RBM23: variants seen among roughly 807,000 people sequenced by gnomAD.
RBM23 encodes the protein probable RNA-binding protein 23.
Under a neutral mutation model 56.2 loss-of-function variants are expected in RBM23, and 53 were observed. That is an observed-to-expected ratio of 0.94 (90% CI 0.76 to 1.19). The LOEUF is 1.19. Among genes scored for constraint, RBM23 ranks in the 50% most tolerant of loss-of-function variants. The pLI is 0.00. For synonymous variants in RBM23, 197 were observed against 198.5 expected, an observed-to-expected ratio of 0.99 and a Z score of 0.06; for missense variants, 642 against 590.3, an observed-to-expected ratio of 1.09 and a Z score of -0.91.
chr14:22,916,422 A>C (rs1006035494), intron 1 of RBM23, among the ~76,000 whole-genome samples: 1 of 143,410 alleles, frequency 7.0e-6, no homozygotes, highest in Non-Finnish European at 1.5e-5. Context: ...ATGCCAGGCT[A>C]ACTTTTCATA....
Position 22,909,487 on chromosome 14 carries a change from T to G in RBM23, c.175A>C (p.Ser59Arg), listed in dbSNP as rs1161472249. The change falls in exon 3 of 14, where the codon AGC (serine) becomes CGC (arginine). Residue 59 changes from serine (S) to arginine (R), a missense_variant. Ser to Arg is a moderately radical substitution (Grantham distance 110, BLOSUM62 -1). Coordinates refer to ENST00000359890, the MANE Select transcript of RBM23 (RefSeq NM_001077351.2). ...ATTTCTTCCTCCCACACTCACTTGC[T>G]TGTCTCCCCGATGGTGCTGCTTCCA... ...TSGSSTIGETSKKKRSRSHNK... is the reference protein window; with the variant it reads ...TSGSSTIGETRKKKRSRSHNK... 1.2e-6 allele frequency: 2 copies of G among 1,612,704 alleles called. No individual in the cohort carries two copies. The highest frequency in any genetic ancestry group is 1.7e-6 in the Non-Finnish European group (2 of 1,179,638).
At position 22,906,354 on chromosome 14, in the gene RBM23, C is replaced by T. The variant is rs375896284; in HGVS notation, c.242G>A (p.Arg81Gln). The T allele has an allele frequency of 3.8e-5, 61 of 1,614,036 alleles. No individual in the cohort carries two copies. The highest frequency in any genetic ancestry group is 4.6e-5 in the Non-Finnish European group (54 of 1,180,040). The change falls in exon 5 of 14, where the codon CGG (arginine) becomes CAG (glutamine). Residue 81 changes from arginine (R) to glutamine (Q), a missense_variant. Transcript: ENST00000359890. ...RDRKRSRSRD[R>Q]DRYRRRNSRS... ...ACTATTTCTCCGTCTATACCGATCC[C>T]GATCTCGACTACGACTACAGAGGGA...
rs1280681445 is a variant in RBM23 at position 22,908,504 on chromosome 14, T to C, written c.180-124A>G. 2.0e-5 allele frequency: 20 copies of C among 1,015,218 alleles called. No homozygotes were observed. The East Asian group carries it at 3.9e-4, about 20-fold the overall frequency. The allele number at this position is 1,015,218 out of a possible 1,614,324, so 62.9% of individuals were successfully genotyped here. On this transcript the variant is annotated intron_variant, in intron 3 of 13. Transcript: ENST00000359890. Reference sequence around the variant, plus strand: ...GCCTTCCAGGTTCAAGCGATCCTCATGCCTTAGCCTCCTGAGTAGCTGGGA... The same window carrying C: ...GCCTTCCAGGTTCAAGCGATCCTCACGCCTTAGCCTCCTGAGTAGCTGGGA...
At position 22,904,871 on chromosome 14, in the gene RBM23, T is replaced by C; in HGVS notation, c.864+4A>G. ...CTTCAGAGGTTTCTCTCACTTCTAC[T>C]CACTTTACCAAAGGGCTCAAAGATG... On this transcript the variant is annotated splice_donor_region_variant and intron_variant, in intron 9 of 13. Coordinates refer to ENST00000359890, the MANE Select transcript of RBM23 (RefSeq NM_001077351.2). 1 of 1,614,126 alleles carries C rather than the reference T, an allele frequency of 6.2e-7. No homozygotes were observed. The highest frequency in any genetic ancestry group is 8.5e-7 in the Non-Finnish European group (1 of 1,180,018).
At chr14:22,916,197 C>G (rs1426832297) in intron 1 of RBM23, among the ~76,000 whole-genome samples, 1 of 151,772 alleles carries the variant, frequency 6.6e-6, no homozygotes, top group Non-Finnish European at 1.5e-5. Context: ...GTCTGTGCAG[C>G]AGATTGAGAT....
rs1439208716 is a variant in RBM23 at position 22,902,124 on chromosome 14, T to C, written c.1127-25A>G. 2.5e-6 allele frequency: 4 copies of C among 1,605,120 alleles called. No homozygotes were observed. In the African/African-American group the frequency reaches 5.4e-5, roughly 21 times the overall value. ...CCTAAAAGGAAAAGAAAAGGTGGGA[T>C]TAAGCCCCAACCCTTCATCTAAAAT... is the stretch of plus-strand genomic sequence containing the variant. On this transcript the variant is annotated intron_variant, in intron 11 of 13. Coordinates refer to ENST00000359890, the MANE Select transcript of RBM23 (RefSeq NM_001077351.2).
rs765903585 is a variant in RBM23 at position 22,911,405 on chromosome 14, T to G, written c.-10-2A>C. The G allele has an allele frequency of 6.2e-7, 1 of 1,610,388 alleles. No individual in the cohort carries two copies. The highest frequency in any genetic ancestry group is 1.1e-5 in the South Asian group (1 of 90,938). ...TCATCAGATGCCATCCTGTCAGATC[T>G]GGGGAGAGGATATTAATATGTAAGA... On this transcript the variant is annotated splice_acceptor_variant, in intron 1 of 13. Transcript: ENST00000359890. LOFTEE classifies it low-confidence loss of function (5UTR_SPLICE).
At chr14:22,903,704 G>A (rs12437151) in intron 10 of RBM23, 554,960 of 1,006,998 alleles carry the variant, frequency 0.55, 159,666 homozygotes, top group East Asian at 0.79. Context: ...AGTCACATGG[G>A]GCTGGAAGAA....
intron 6 of RBM23, 63 bp from the exon 7 acceptor site, chr14:22,905,516 C>T (rs1015855611): frequency 6.3e-7 from 1 of 1,598,250 alleles, no homozygotes; most frequent in Admixed American, 1.7e-5. Flanking sequence ...TCCAGCTAAC[C>T]CTCAAGTATT....
At chr14:22,917,014 AG>A (rs1386997167) in intron 1 of RBM23, 1 of 151,974 alleles carries the variant, frequency 6.6e-6, no homozygotes, top group East Asian at 1.9e-4. Flanking sequence ...GATTACAGGC[AG>A]GCACCACCAC....
At position 22,901,830 on chromosome 14, in the gene RBM23, A is replaced by T. The variant is rs748645265; in HGVS notation, c.1300T>A (p.Phe434Ile). The T allele has an allele frequency of 4.3e-6, 7 of 1,614,212 alleles. No homozygotes were observed. The highest frequency in any genetic ancestry group is 5.9e-6 in the Non-Finnish European group (7 of 1,180,024). The change falls in exon 13 of 14, where the codon TTT (phenylalanine) becomes ATT (isoleucine). Residue 434 changes from phenylalanine (F) to isoleucine (I), a missense_variant. Physicochemically the swap from Phe to Ile is conservative, Grantham distance 21. Transcript: ENST00000359890. ...GAGACTCACATGGTCTGGGGGGTAA[A>T]GAGGCTGGAGAGCTGGAAACACTGG... ...ASQCFQLSSLFTPQTM is the reference protein window; with the variant it reads ...ASQCFQLSSLITPQTM
intron 2 of RBM23, 37 bp from the exon 3 acceptor site, chr14:22,909,632 G>C (rs2042130756): frequency 6.6e-7 from 1 of 1,517,476 alleles, no homozygotes; most frequent in Non-Finnish European, 9.1e-7. Flanking sequence ...CAAGGTATAA[G>C]GTGGCAGACA....
rs376457710 is a variant in RBM23, at chr14:22,902,056, G to GGCAGCA, written c.1164_1169dup (p.Ala392_Ala393dup). The GGCAGCA allele has an allele frequency of 1.1e-5, 17 of 1,605,896 alleles. No homozygotes were observed. In the South Asian group the frequency reaches 1.1e-4, roughly 10 times the overall value. On this transcript the variant is annotated inframe_insertion, in exon 12 of 14. Transcript: ENST00000359890. ...GCAAGGCAGCAGCCTGGGCGGCGGC[G>GGCAGCA]GCAGCAGCAGCAGCAGCAGTGCTTG...
chr14:22,905,746 T>C (rs1566550973), intron 5 of RBM23, 87 bp from the exon 6 acceptor site: 1 of 1,017,296 alleles, frequency 9.8e-7, no homozygotes, highest in East Asian at 2.4e-5. Flanking sequence ...CAGATTCCAG[T>C]ACTTCATCTC....
rs747127844 is a variant in RBM23, at chr14:22,905,141, TC to T, written c.678del (p.Thr227LeufsTer68). On this transcript the variant is annotated frameshift_variant, in exon 8 of 14. Transcript: ENST00000359890. LOFTEE classifies it high-confidence loss of function. ...GGCACTCCCAGCAACCGCTGCCCAG[TC>T]AGCCCAATGGCCAGTGGCACAGACT... ...EIQSVPLAIGLTGQRLLGVPI... is the reference protein window; with the variant it reads ...EIQSVPLAIGXTGQRLLGVPI... 11 of 1,614,038 alleles carry T rather than the reference TC, an allele frequency of 6.8e-6. No individual in the cohort carries two copies. The highest frequency in any genetic ancestry group is 9.3e-6 in the Non-Finnish European group (11 of 1,180,000).
At chr14:22,912,651 AC>A (rs2042725595) in intron 1 of RBM23, among the ~76,000 whole-genome samples, 1 of 152,148 alleles carries the variant, frequency 6.6e-6, no homozygotes, top group Non-Finnish European at 1.5e-5. Flanking sequence ...AGCCCCCCCC[AC>A]AAAAAGTACA....
chr14:22,909,426 G>A, intron 3 of RBM23, 57 bp downstream of exon 3: 1 of 1,398,154 alleles, frequency 7.2e-7, no homozygotes. Context: ...TTTTTCCAAT[G>A]GACAAAACTG....
At chr14:22,915,655 C>A (rs1185548897) in intron 1 of RBM23, among the ~76,000 whole-genome samples, 2 of 152,040 alleles carry the variant, frequency 1.3e-5, no homozygotes, top group Non-Finnish European at 2.9e-5. Context: ...GCCACTACGT[C>A]CCACTAATTT....
At chr14:22,908,403 C>CTT (rs747437175) in intron 3 of RBM23, 23 bp from the exon 4 acceptor site, 80 of 1,298,590 alleles carry the variant, frequency 6.2e-5, no homozygotes, top group Middle Eastern at 2.0e-4. Context: ...GTACATTCTT[C>CTT]TTTTTTTTTT....
Sources: gnomAD v4.1 joint callset for allele counts (sites outside exome capture counted in the v4.1 genomes callset) on GRCh38, gnomAD v4.1.1 for gene constraint, MANE v1.5 for transcripts, NCBI Gene and HGNC (gene_info 2026-07-23, HGNC 2026-07-21) for gene names.